DENND6B: variants seen among roughly 807,000 people sequenced by gnomAD.
DENND6B encodes protein DENND6B.
Under a neutral mutation model 85.1 loss-of-function variants are expected in DENND6B, and 73 were observed. The ratio of observed to expected loss-of-function variants is 0.86; its 90% CI spans 0.71 to 1.04. DENND6B has a LOEUF of 1.04. Ranked by LOEUF, DENND6B falls within the 50% of genes least tolerant of loss-of-function variation. The pLI is 0.00. For synonymous variants in DENND6B, 357 were observed against 329.3 expected (o/e 1.08, Z -0.91); for missense variants, 715 against 785.8 (o/e 0.91, Z 1.08).
At position 50,314,212 on chromosome 22, in the gene DENND6B, T is replaced by G. The variant is rs1285672627; in HGVS notation, c.1133A>C (p.Lys378Thr). ...KPSRLKTLDT[K>T]PGLYTAYTAH... is the part of the protein sequence containing the mutation. Reference sequence around the variant, plus strand: ...AGGTCGAGGGGAGCACAGACCTGGCTTGGTGTCCAGGGTCTTCAACCTTGA... The same window carrying G: ...AGGTCGAGGGGAGCACAGACCTGGCGTGGTGTCCAGGGTCTTCAACCTTGA... The change falls in exon 13 of 20, where the codon AAG becomes ACG. Residue 378 changes from lysine (K) to threonine (T), a missense_variant. Lys to Thr is a moderately conservative substitution (Grantham distance 78). Coordinates refer to ENST00000413817, the MANE Select transcript of DENND6B (RefSeq NM_001001794.4). 2 of 1,605,008 alleles carry G rather than the reference T, an allele frequency of 1.2e-6. No homozygotes were observed. The highest frequency in any genetic ancestry group is 1.7e-6 in the Non-Finnish European group (2 of 1,178,382).
chr22:50,314,297 G>A, intron 12 of DENND6B, 25 bp from the exon 13 acceptor site: 1 of 1,605,748 alleles, frequency 6.2e-7, no homozygotes, highest in Non-Finnish European at 8.5e-7. Flanking sequence ...CGGTGGCCAG[G>A]CCTCAGTGCC....
chr22:50,312,479 C>G (rs765731573), intron 18 of DENND6B, 44 bp downstream of exon 18: 1 of 1,575,804 alleles, frequency 6.3e-7, no homozygotes, highest in Admixed American at 1.9e-5. Context: ...CCTGTGCCCA[C>G]CCCCACCATG....
rs370363376 is a variant in DENND6B at position 50,317,302 on chromosome 22, G to A, written c.444C>T (p.Tyr148=). The A allele has an allele frequency of 3.1e-6, 5 of 1,612,726 alleles. No individual in the cohort carries two copies. The highest frequency in any genetic ancestry group is 1.3e-5 in the African/African-American group (1 of 74,898). Residue 148 remains tyrosine, a synonymous_variant, in exon 5 of 20, where the codon TAC becomes TAT. Transcript: ENST00000413817. ...TGGCCAAGCAGCGCACCTTCTGGAA[G>A]TAGCCCCTCTTCACAGAGCTGTCCT... The part of the protein sequence containing the change: ...QVKDSSVKRG[Y]FQKSLVLVSR...
At chr22:50,323,020 CT>C (rs386395718) in intron 1 of DENND6B, among the ~76,000 whole-genome samples, 2,002 of 38,856 alleles carry the variant, frequency 0.052, 48 homozygotes, top group African/African-American at 0.19. Context: ...CCGGCTAATG[CT>C]TTTTTTTTTT....
chr22:50,316,560 G>A (rs1394015279), intron 5 of DENND6B, 85 bp from the exon 6 acceptor site: 2 of 1,546,094 alleles, frequency 1.3e-6, no homozygotes, highest in South Asian at 1.2e-5. Flanking sequence ...CCGAAGCCAC[G>A]CTCACCTGGA....
intron 1 of DENND6B, among the ~76,000 whole-genome samples, chr22:50,320,931 C>A (rs1257337622): frequency 1.3e-5 from 2 of 152,162 alleles, no homozygotes; most frequent in African/African-American, 4.8e-5. Flanking sequence ...CCAGGTACAG[C>A]CTGAAGTTGA....
In DENND6B at chr22:50,311,810, C is replaced by T. The variant is rs1000154582; in HGVS notation, c.*329G>A. 14 of 380,588 alleles carry T rather than the reference C, an allele frequency of 3.7e-5. No homozygotes were observed. The highest frequency in any genetic ancestry group is 2.7e-4 in the African/African-American group (13 of 48,486). 23.6% of individuals were successfully genotyped at this position (380,588 alleles called of 1,614,324 possible). On this transcript the variant is annotated 3_prime_UTR_variant, in exon 20 of 20. Transcript: ENST00000413817. Reference sequence around the variant, plus strand: ...GGGGGGTCGGGGGCCAACAGATGGGCACCGGGAGGGGCAGACGGTAGACGC... The same window carrying T: ...GGGGGGTCGGGGGCCAACAGATGGGTACCGGGAGGGGCAGACGGTAGACGC...
intron 15 of DENND6B, 47 bp downstream of exon 15, chr22:50,313,588 C>G: frequency 2.6e-6 from 4 of 1,515,040 alleles, no homozygotes; most frequent in Non-Finnish European, 3.6e-6. Flanking sequence ...CCCCATCCCC[C>G]CAGCCCCGTG....
Position 50,316,355 on chromosome 22 carries a change from C to G in DENND6B, c.559+15G>C. 1.3e-6 allele frequency: 2 copies of G among 1,567,876 alleles called. No individual in the cohort carries two copies. The highest frequency in any genetic ancestry group is 1.7e-6 in the Non-Finnish European group (2 of 1,157,786). ...GATGATGAGACCACGATGGCCACGA[C>G]TGATGGCCACTCACCTGCTTCCAGG... On this transcript the variant is annotated intron_variant, in intron 6 of 19. Coordinates refer to ENST00000413817, the MANE Select transcript of DENND6B (RefSeq NM_001001794.4).
intron 1 of DENND6B, among the ~76,000 whole-genome samples, chr22:50,320,364 G>A (rs772446056): frequency 9.9e-5 from 15 of 152,230 alleles, no homozygotes; most frequent in East Asian, 5.8e-4. Flanking sequence ...GAGTGCAGGC[G>A]TGAGCCACGC....
rs1299398278 is a variant in DENND6B at position 50,317,796 on chromosome 22, C to T, written c.372+112G>A. On this transcript the variant is annotated intron_variant, in intron 4 of 19. Coordinates refer to ENST00000413817, the MANE Select transcript of DENND6B (RefSeq NM_001001794.4). The stretch of plus-strand genomic sequence containing the variant: ...CCAGTGGGGCCTGGCCAGCTCCTCT[C>T]CTGCCACACAGGGCCCAGGCACTCT... 7 of 1,128,210 alleles carry T rather than the reference C, an allele frequency of 6.2e-6. No individual in the cohort carries two copies. The Admixed American group carries it at 1.3e-4, about 21-fold the overall frequency. 69.9% of individuals were successfully genotyped at this position (1,128,210 alleles called of 1,614,324 possible). A position where few individuals can be genotyped will look rare whatever the true frequency, so the allele number is the denominator to read the frequency against.
At chr22:50,317,187 G>T in intron 5 of DENND6B, 106 bp downstream of exon 5, 1 of 1,206,954 alleles carries the variant, frequency 8.3e-7, no homozygotes, top group Non-Finnish European at 1.2e-6. Context: ...CAGGAGGGGT[G>T]GGCACTGCTG....
chr22:50,322,652 C>T (rs2042082096), intron 1 of DENND6B, among the ~76,000 whole-genome samples: 1 of 151,996 alleles, frequency 6.6e-6, no homozygotes, highest in South Asian at 2.1e-4. Context: ...CAGGTTCAAG[C>T]GATTCTCTTG....
rs2068026216 is a variant in DENND6B at position 50,309,156 on chromosome 22, G to C, written c.*2983C>G. The stretch of plus-strand genomic sequence containing the variant: ...CAGCTGTCCTTCCTGTCCCTGAGCA[G>C]GCCCCCTGTGTGCACCCTCAGCCCC... On this transcript the variant is annotated 3_prime_UTR_variant, in exon 20 of 20. Coordinates refer to ENST00000413817, the MANE Select transcript of DENND6B (RefSeq NM_001001794.4). The C allele has an allele frequency of 6.6e-6, 1 of 152,268 alleles. No homozygotes were observed. The highest frequency in any genetic ancestry group is 6.5e-5 in the Admixed American group (1 of 15,280). 9.4% of individuals were successfully genotyped at this position (152,268 alleles called of 1,614,324 possible). A position where few individuals can be genotyped will look rare whatever the true frequency, so the allele number is the denominator to read the frequency against.
chr22:50,315,659 C>T (rs370645665), intron 9 of DENND6B, 55 bp downstream of exon 9: 7 of 1,530,466 alleles, frequency 4.6e-6, no homozygotes, highest in Admixed American at 4.0e-5. Flanking sequence ...CGTACATGCA[C>T]GTGCACACAC....
intron 16 of DENND6B, 58 bp downstream of exon 16, chr22:50,313,388 G>A (rs972130663): frequency 4.6e-5 from 69 of 1,514,752 alleles, no homozygotes; most frequent in Non-Finnish European, 5.7e-5. Context: ...TCCCTCCTCC[G>A]GGTGAGGAAG....
intron 1 of DENND6B, among the ~76,000 whole-genome samples, chr22:50,323,281 CTT>C (rs571677497): frequency 6.4e-4 from 81 of 126,076 alleles, no homozygotes; most frequent in East Asian, 1.2e-3. Flanking sequence ...ATGCCTGGCT[CTT>C]TTTTTTTTTT....
Position 50,314,242 on chromosome 22 carries a change from T to C in DENND6B, c.1103A>G (p.Lys368Arg). 1 of 1,609,036 alleles carries C rather than the reference T, an allele frequency of 6.2e-7. No individual in the cohort carries two copies. The change falls in exon 13 of 20, where the codon AAG (lysine) becomes AGG (arginine). Residue 368 changes from lysine to arginine, a missense_variant. Coordinates refer to ENST00000413817, the MANE Select transcript of DENND6B (RefSeq NM_001001794.4). ...GDLPKQVKLKKPSRLKTLDTK... is the reference protein window; with the variant it reads ...GDLPKQVKLKRPSRLKTLDTK... ...GTCCAGGGTCTTCAACCTTGAAGGC[T>C]TTTTCAGCTTGACTTGCTTAGGCAG... is the stretch of plus-strand genomic sequence containing the variant.
rs1236861824 is a variant in DENND6B, at chr22:50,316,190, A to G, written c.623T>C (p.Met208Thr). Residue 208 changes from methionine (M) to threonine (T), a missense_variant, in exon 7 of 20, where the codon ATG (methionine) becomes ACG (threonine). Met to Thr is a moderately conservative substitution (Grantham distance 81). Coordinates refer to ENST00000413817, the MANE Select transcript of DENND6B (RefSeq NM_001001794.4). Reference sequence around the variant, plus strand: ...GGCTCTCACCTGGACAACAACGCCCATGACAGGTAGGTTCAGGGTCTGCCC... The same window carrying G: ...GGCTCTCACCTGGACAACAACGCCCGTGACAGGTAGGTTCAGGGTCTGCCC... ...APGQTLNLPVMGVVVQVRIPS... is the reference protein window; with the variant it reads ...APGQTLNLPVTGVVVQVRIPS... 1 of 1,612,352 alleles carries G rather than the reference A, an allele frequency of 6.2e-7. No homozygotes were observed. The highest frequency in any genetic ancestry group is 8.5e-7 in the Non-Finnish European group (1 of 1,179,830).
Sources: gnomAD v4.1 joint callset for allele counts (sites outside exome capture counted in the v4.1 genomes callset) on GRCh38, gnomAD v4.1.1 for gene constraint, MANE v1.5 for transcripts, NCBI Gene and HGNC (gene_info 2026-07-23, HGNC 2026-07-21) for gene names.